SUGCT: variants seen among roughly 807,000 people sequenced by gnomAD.
SUGCT encodes succinyl-CoA:glutarate CoA-transferase.
In SUGCT, 41 loss-of-function variants were observed where a neutral mutation model predicts 55.0. The observed-to-expected ratio is 0.74, with a 90% CI of 0.58 to 0.97. The LOEUF (loss-of-function observed/expected upper bound fraction) is 0.97. Ranked by LOEUF, SUGCT falls within the 50% of genes least tolerant of loss-of-function variation. SUGCT has a pLI of 0.00. For missense variants in SUGCT, 568 were observed against 547.8 expected (o/e 1.04, Z -0.37); for synonymous variants, 187 against 200.4 (o/e 0.93, Z 0.56).
intron 12 of SUGCT, among the ~76,000 whole-genome samples, chr7:40,741,545 T>G (rs1254883428): frequency 6.6e-6 from 1 of 152,192 alleles, no homozygotes; most frequent in Non-Finnish European, 1.5e-5. Flanking sequence ...GGAAAATTAT[T>G]TGTCATTACC....
chr7:40,747,638 G>A (rs1459156073), intron 12 of SUGCT, among the ~76,000 whole-genome samples: 3 of 152,124 alleles, frequency 2.0e-5, no homozygotes, highest in Non-Finnish European at 2.9e-5. Flanking sequence ...TTAGATGCAC[G>A]TACAAGACAG....
At chr7:40,588,037 G>A (rs1797489655) in intron 12 of SUGCT, among the ~76,000 whole-genome samples, 1 of 151,560 alleles carries the variant, frequency 6.6e-6, no homozygotes, top group Non-Finnish European at 1.5e-5. Flanking sequence ...TGAGTAGCTG[G>A]AATTACAGGC....
At chr7:40,154,904 A>G (rs1344178600) in intron 1 of SUGCT, among the ~76,000 whole-genome samples, 1 of 152,248 alleles carries the variant, frequency 6.6e-6, no homozygotes, top group African/African-American at 2.4e-5. Flanking sequence ...ATTAATATGC[A>G]TCTGTTATTC....
intron 12 of SUGCT, among the ~76,000 whole-genome samples, chr7:40,716,278 G>T (rs1475652943): frequency 2.0e-5 from 3 of 152,296 alleles, no homozygotes; most frequent in Admixed American, 2.0e-4. Context: ...GTGGTCATCA[G>T]CAGTGAAGAA....
chr7:40,998,810 G>T, the SUGCT span, among the ~76,000 whole-genome samples: 3 of 152,292 alleles, frequency 2.0e-5, no homozygotes, highest in Admixed American at 6.5e-5. Context: ...TTTTCACTGC[G>T]CCCCTAATGA....
the SUGCT span, among the ~76,000 whole-genome samples, chr7:40,909,519 G>A: frequency 6.6e-6 from 1 of 152,200 alleles, no homozygotes; most frequent in African/African-American, 2.4e-5. Flanking sequence ...ATACAACTGA[G>A]GTGTGGGCTG....
rs748002092 is a variant in SUGCT at position 40,316,799 on chromosome 7, G to T, written c.760G>T (p.Gly254Cys). 3 of 1,602,894 alleles carry T rather than the reference G, an allele frequency of 1.9e-6. No homozygotes were observed. The highest frequency in any genetic ancestry group is 1.7e-5 in the Admixed American group (1 of 58,774). Residue 254 changes from glycine (G) to cysteine (C), a missense_variant, in exon 9 of 14, where the codon GGT becomes TGT. Gly to Cys is a radical substitution (Grantham distance 159). Transcript: ENST00000335693. The part of the protein sequence containing the change: ...LSHIAANYLI[G>C]QKEAKRWGTA... ...TCACATAGCTGCAAATTATCTTATT[G>T]GTCAAAAGGAAGCAAAACGTTGGGG...
intron 1 of SUGCT, among the ~76,000 whole-genome samples, chr7:40,144,522 C>A (rs1788147649): frequency 6.6e-6 from 1 of 152,020 alleles, no homozygotes; most frequent in African/African-American, 2.4e-5. Flanking sequence ...AAGGTAGGGT[C>A]CTTCCCAGGG....
intron 13 of SUGCT, among the ~76,000 whole-genome samples, chr7:40,849,559 C>T (rs555471713): frequency 3.6e-4 from 55 of 152,222 alleles, no homozygotes; most frequent in South Asian, 8.3e-4. Flanking sequence ...CCTCTGTTTC[C>T]TGCAAGTGTT....
At chr7:40,445,560 C>T (rs1022239347) in intron 9 of SUGCT, among the ~76,000 whole-genome samples, 3 of 152,064 alleles carry the variant, frequency 2.0e-5, no homozygotes, top group African/African-American at 7.2e-5. Flanking sequence ...CCAAATTCTA[C>T]CACAGGTACA....
the SUGCT span, among the ~76,000 whole-genome samples, chr7:40,951,161 T>A: frequency 2.0e-5 from 3 of 152,206 alleles, no homozygotes; most frequent in Non-Finnish European, 4.4e-5. Flanking sequence ...TATTCAGAGA[T>A]TCAACTTCTT....
chr7:40,141,637 CAAAAA>C (rs58487461), intron 1 of SUGCT, among the ~76,000 whole-genome samples: 1 of 57,146 alleles, frequency 1.7e-5, no homozygotes, highest in Admixed American at 2.1e-4. Context: ...GACTCCATCT[CAAAAA>C]AAAAAAAAAA....
At chr7:40,532,693 G>T (rs1057248703) in intron 12 of SUGCT, among the ~76,000 whole-genome samples, 1 of 151,892 alleles carries the variant, frequency 6.6e-6, no homozygotes, top group African/African-American at 2.4e-5. Flanking sequence ...GGCAAAGAAG[G>T]TTTTTCGTTT....
At chr7:40,175,172 T>A (rs1784863929) in intron 1 of SUGCT, among the ~76,000 whole-genome samples, 1 of 152,124 alleles carries the variant, frequency 6.6e-6, no homozygotes, top group East Asian at 1.9e-4. Flanking sequence ...TTTCGGGCTG[T>A]CATTTATCTT....
chr7:40,464,886 T>G (rs1790016803), intron 11 of SUGCT, among the ~76,000 whole-genome samples: 1 of 152,194 alleles, frequency 6.6e-6, no homozygotes, highest in South Asian at 2.1e-4. Flanking sequence ...CTTATGATGT[T>G]TACAATTTAA....
At chr7:40,963,570 T>G in the SUGCT span, among the ~76,000 whole-genome samples, 1 of 152,200 alleles carries the variant, frequency 6.6e-6, no homozygotes, top group Non-Finnish European at 1.5e-5. Context: ...TTAAGAAAGC[T>G]CTGTTAAATT....
intron 8 of SUGCT, among the ~76,000 whole-genome samples, chr7:40,288,992 T>G (rs995502808): frequency 2.6e-5 from 4 of 152,154 alleles, no homozygotes; most frequent in Non-Finnish European, 5.9e-5. Context: ...TCCCCACTCA[T>G]GTTGAAAGTG....
At chr7:41,024,661 C>CAAA in the SUGCT span, among the ~76,000 whole-genome samples, 6,511 of 121,330 alleles carry the variant, frequency 0.054, 189 homozygotes, top group Middle Eastern at 0.086. Flanking sequence ...AACAATTTGG[C>CAAA]AAAAAAAAAA....
intron 12 of SUGCT, among the ~76,000 whole-genome samples, chr7:40,531,627 T>C (rs2151595716): frequency 6.6e-6 from 1 of 151,438 alleles, no homozygotes; most frequent in Non-Finnish European, 1.5e-5. Context: ...TTTAAAGTTG[T>C]ATTGAGTATG....
Sources: gnomAD v4.1 joint callset for allele counts (sites outside exome capture counted in the v4.1 genomes callset) on GRCh38, gnomAD v4.1.1 for gene constraint, MANE v1.5 for transcripts, NCBI Gene and HGNC (gene_info 2026-07-23, HGNC 2026-07-21) for gene names.